DYRK1A: variants seen among roughly 807,000 people sequenced by gnomAD.
The protein encoded by DYRK1A is dual specificity tyrosine phosphorylation regulated kinase 1A, also known as dual specificity tyrosine-phosphorylation-regulated kinase 1A.
A neutral mutation model predicts 79.7 loss-of-function variants in DYRK1A; 9 were observed. That is an observed-to-expected ratio of 0.11 (90% CI 0.07 to 0.20). The LOEUF (loss-of-function observed/expected upper bound fraction) is 0.20. Among genes scored for constraint, DYRK1A ranks in the 10% least tolerant of loss-of-function variants. The probability of loss-of-function intolerance (pLI) is 1.00; values close to 1 mark genes in which losing one functional copy is unlikely to be tolerated. For synonymous variants in DYRK1A, 349 were observed against 329.7 expected, an observed-to-expected ratio of 1.06 and a Z score of -0.63; for missense variants, 622 against 956.0, an observed-to-expected ratio of 0.65 and a Z score of 4.61.
At chr21:37,435,513 A>T (rs2050898613) in intron 2 of DYRK1A, among the ~76,000 whole-genome samples, 1 of 152,218 alleles carries the variant, frequency 6.6e-6, no homozygotes, top group Admixed American at 6.5e-5. Context: ...TGTAACCAAA[A>T]TATGTGTATT....
At chr21:37,437,729 A>G (rs570463500) in intron 2 of DYRK1A, among the ~76,000 whole-genome samples, 5 of 152,280 alleles carry the variant, frequency 3.3e-5, no homozygotes, top group African/African-American at 4.8e-5. Context: ...TTGTGTGTAT[A>G]TACTTTGGTT....
At chr21:37,462,148 C>G (rs904048352) in intron 2 of DYRK1A, among the ~76,000 whole-genome samples, 1 of 152,140 alleles carries the variant, frequency 6.6e-6, no homozygotes, top group Non-Finnish European at 1.5e-5. Context: ...CTCTTTCTGT[C>G]ATTTCTGAGT....
intron 2 of DYRK1A, among the ~76,000 whole-genome samples, chr21:37,425,117 A>G (rs540435507): frequency 6.6e-6 from 1 of 152,250 alleles, no homozygotes; most frequent in South Asian, 2.1e-4. Flanking sequence ...TAATACGTTT[A>G]TGGCATTTGC....
intron 5 of DYRK1A, chr21:37,486,152 CAT>C: frequency 6.1e-6 from 1 of 164,824 alleles, no homozygotes; most frequent in South Asian, 2.0e-4. Flanking sequence ...TGTCAAGAGT[CAT>C]AATTTATTTC....
intron 2 of DYRK1A, among the ~76,000 whole-genome samples, chr21:37,462,918 T>C (rs1009454156): frequency 2.6e-5 from 4 of 152,212 alleles, no homozygotes; most frequent in Non-Finnish European, 5.9e-5. Flanking sequence ...CTTTAGTTGT[T>C]TATGATGAAT....
chr21:37,472,733 A>G lies in DYRK1A; in HGVS notation c.60A>G (p.Ser20=), dbSNP rs1049754. ...CTTCATCTGTTCGGCTTGCACCGTC[A>G]TTTTCATTCCATGCTGCTGGCCTTC... The part of the protein sequence containing the change: ...CKPSSVRLAP[S]FSFHAAGLQM... Residue 20 remains serine (S), a synonymous_variant, in exon 3 of 12, where the codon TCA becomes TCG. Coordinates refer to ENST00000647188, the MANE Select transcript of DYRK1A (RefSeq NM_001347721.2). 1.9e-6 allele frequency: 3 copies of G among 1,610,952 alleles called. No individual in the cohort carries two copies. The highest frequency in any genetic ancestry group is 1.7e-5 in the Admixed American group (1 of 59,868).
At chr21:37,484,191 C>G (rs557583625) in intron 5 of DYRK1A, among the ~76,000 whole-genome samples, 1 of 152,264 alleles carries the variant, frequency 6.6e-6, no homozygotes, top group East Asian at 1.9e-4. Flanking sequence ...TGAGGCAGAA[C>G]AGTTTGATCC....
intron 2 of DYRK1A, among the ~76,000 whole-genome samples, chr21:37,446,254 T>C (rs560825010): frequency 2.0e-5 from 3 of 152,360 alleles, no homozygotes; most frequent in South Asian, 4.1e-4. Flanking sequence ...ATTACATTGC[T>C]GTCTTATTTT....
chr21:37,515,148 G>A lies in DYRK1A; in HGVS notation c.*2617G>A, dbSNP rs772836503. 3.9e-5 allele frequency: 6 copies of A among 152,592 alleles called. No individual in the cohort carries two copies. Among genetic ancestry groups the A allele is most frequent in the Non-Finnish European group, 7.3e-5 (5 of 68,034 alleles). The allele number at this position is 152,592 out of a possible 1,614,324, so 9.5% of individuals were successfully genotyped here. A position where few individuals can be genotyped will look rare whatever the true frequency, so the allele number is the denominator to read the frequency against. On this transcript the variant is annotated 3_prime_UTR_variant, in exon 12 of 12. Transcript: ENST00000647188. Reference sequence around the variant, plus strand: ...TTGTATTATAGTCATGCGGTCTTATGTATGATAAACAGTTGAATAATTTGT... The same window carrying A: ...TTGTATTATAGTCATGCGGTCTTATATATGATAAACAGTTGAATAATTTGT...
chr21:37,467,106 GAA>G (rs5843833), intron 2 of DYRK1A, among the ~76,000 whole-genome samples: 3,541 of 130,748 alleles, frequency 0.027, 102 homozygotes, highest in African/African-American at 0.089. Context: ...ATTTACAAAA[GAA>G]AAAAAAAAAA....
chr21:37,367,842 G>C (rs2049342922), intron 1 of DYRK1A, among the ~76,000 whole-genome samples: 1 of 151,360 alleles, frequency 6.6e-6, no homozygotes, highest in Non-Finnish European at 1.5e-5. Flanking sequence ...AGTTGCGGAG[G>C]GTGGGAGCGG....
intron 9 of DYRK1A, 102 bp downstream of exon 9, chr21:37,496,360 G>A: frequency 8.1e-7 from 1 of 1,234,662 alleles, no homozygotes; most frequent in Non-Finnish European, 1.1e-6. Flanking sequence ...GTGTGTTTCA[G>A]TTAACGATTT....
chr21:37,506,737 T>C (rs978267847), intron 11 of DYRK1A, among the ~76,000 whole-genome samples: 1 of 152,244 alleles, frequency 6.6e-6, no homozygotes, highest in African/African-American at 2.4e-5. Context: ...TTTTTCAAAA[T>C]TGGAGTGAAG....
At chr21:37,378,097 A>G (rs974415085) in intron 1 of DYRK1A, among the ~76,000 whole-genome samples, 1 of 152,230 alleles carries the variant, frequency 6.6e-6, no homozygotes, top group South Asian at 2.1e-4. Context: ...TGTGAATGTA[A>G]TAGGTGAATA....
chr21:37,475,792 T>A (rs1259810624), intron 3 of DYRK1A, among the ~76,000 whole-genome samples: 1 of 152,176 alleles, frequency 6.6e-6, no homozygotes, highest in Non-Finnish European at 1.5e-5. Flanking sequence ...TACTGTATAT[T>A]TGAAATTTTT....
rs2052162465 is a variant in DYRK1A at position 37,469,883 on chromosome 21, C to T, written c.11-2801C>T. ...ATCACCTGCTTATATGAAAACATCA[C>T]GCCTGTAATCCCAGCACTTTGGGAG... On this transcript the variant is annotated intron_variant, in intron 2 of 11. Transcript: ENST00000647188. Among the ~76,000 whole-genome samples the T allele has an allele frequency of 3.9e-5, 6 of 152,164 alleles. No individual in the cohort carries two copies. The South Asian group carries it at 6.2e-4, about 16-fold the overall frequency.
At chr21:37,441,032 G>T (rs182912349) in intron 2 of DYRK1A, among the ~76,000 whole-genome samples, 1 of 151,560 alleles carries the variant, frequency 6.6e-6, no homozygotes, top group Admixed American at 6.6e-5. Flanking sequence ...GTCTATCGTT[G>T]TAGTTTTATC....
chr21:37,473,051 T>C (rs1329949392), intron 3 of DYRK1A, among the ~76,000 whole-genome samples, 171 bp downstream of exon 3: 1 of 152,154 alleles, frequency 6.6e-6, no homozygotes, highest in African/African-American at 2.4e-5. Context: ...TTTTTTTTAA[T>C]TTTTACTTGT....
intron 11 of DYRK1A, among the ~76,000 whole-genome samples, chr21:37,506,691 G>T (rs2053608683): frequency 6.6e-6 from 1 of 152,132 alleles, no homozygotes. Flanking sequence ...TTTGTTTTCT[G>T]TTTTTAAACC....
Sources: allele counts gnomAD v4.1 joint callset (sites outside exome capture counted in the v4.1 genomes callset), GRCh38; gene constraint gnomAD v4.1.1; transcripts MANE v1.5; gene names NCBI Gene and HGNC (gene_info 2026-07-23, HGNC 2026-07-21).